CAP2: variants seen among roughly 807,000 people sequenced by gnomAD.
The protein encoded by CAP2 is adenylyl cyclase-associated protein 2.
In CAP2, 24 loss-of-function variants were observed where a neutral mutation model predicts 57.7. The ratio of observed to expected loss-of-function variants is 0.42; its 90% CI spans 0.30 to 0.58. CAP2 has a LOEUF of 0.58. Ranked by LOEUF, CAP2 falls within the 20% of genes least tolerant of loss-of-function variation. The pLI, the probability that CAP2 is intolerant of heterozygous loss-of-function variation, is 0.22. For missense variants in CAP2, 501 were observed against 590.3 expected (o/e 0.85, Z 1.57); for synonymous variants, 194 against 207.2 (o/e 0.94, Z 0.55).
At chr6:17,454,811 G>C (rs979404929) in intron 3 of CAP2, among the ~76,000 whole-genome samples, 1 of 152,144 alleles carries the variant, frequency 6.6e-6, no homozygotes, top group Admixed American at 6.5e-5. Flanking sequence ...TATGCTTCAA[G>C]TCTCTCTCTG....
intron 6 of CAP2, among the ~76,000 whole-genome samples, chr6:17,510,524 T>C (rs1762117659): frequency 6.6e-6 from 1 of 152,168 alleles, no homozygotes; most frequent in African/African-American, 2.4e-5. Context: ...TTAAAACAGT[T>C]GTGCTCAGTT....
chr6:17,543,245 C>A, intron 11 of CAP2, 102 bp downstream of exon 11: 1 of 939,668 alleles, frequency 1.1e-6, no homozygotes, highest in Non-Finnish European at 1.7e-6. Flanking sequence ...GCAGCCTTTC[C>A]AACCACGCTG....
intron 4 of CAP2, among the ~76,000 whole-genome samples, chr6:17,478,770 C>G (rs768037368): frequency 3.9e-5 from 6 of 152,116 alleles, no homozygotes; most frequent in African/African-American, 1.4e-4. Flanking sequence ...ATCTCCTGTC[C>G]TCTGTCTTTC....
In CAP2 at chr6:17,461,216, AC is replaced by A. The variant is rs386697554; in HGVS notation, c.223-1778del. 4.3e-3 allele frequency among the ~76,000 whole-genome samples: 472 copies of A among 109,604 alleles called. 3 individuals are homozygous for A. Among genetic ancestry groups the A allele is most frequent in the African/African-American group, 0.014 (454 of 31,440 alleles). 71.9% of individuals were successfully genotyped at this position (109,604 alleles called of 152,430 possible). On this transcript the variant is annotated intron_variant, in intron 3 of 12. Coordinates refer to ENST00000229922, the MANE Select transcript of CAP2 (RefSeq NM_006366.3). ...AAAAAAAAACCCTGTAATCTTTGAA[AC>A]CTTTTTTTTTTTCTTTTTTTGAGAC...
intron 3 of CAP2, among the ~76,000 whole-genome samples, chr6:17,440,614 G>GTGTGTGT (rs1554122866): frequency 0.059 from 8,401 of 141,528 alleles, 376 homozygotes; most frequent in African/African-American, 0.077. Context: ...AACTGTGTGT[G>GTGTGTGT]GTGTGTGTGT....
rs980390826 is a variant in CAP2, at chr6:17,430,728, G to A, written c.222+4038G>A. On this transcript the variant is annotated intron_variant, in intron 3 of 12. Transcript: ENST00000229922. ...TAATTTTTGTATTTTTCGTAGAGAC[G>A]GGGTTTTACCATGTTGGCCAGGCTG... is the stretch of plus-strand genomic sequence containing the variant. Among the ~76,000 whole-genome samples the A allele has an allele frequency of 5.9e-5, 9 of 152,126 alleles. No individual in the cohort carries two copies. In the East Asian group the frequency reaches 1.5e-3, roughly 26 times the overall value.
intron 11 of CAP2, among the ~76,000 whole-genome samples, chr6:17,543,402 G>A (rs1485765380): frequency 2.6e-5 from 4 of 152,036 alleles, no homozygotes; most frequent in East Asian, 3.9e-4. Context: ...CGGATCACGA[G>A]GTCAGGAGAT....
At chr6:17,449,558 C>G (rs1304932697) in intron 3 of CAP2, among the ~76,000 whole-genome samples, 1 of 152,014 alleles carries the variant, frequency 6.6e-6, no homozygotes, top group Non-Finnish European at 1.5e-5. Context: ...AGGTGCCCAC[C>G]ACCATGCTTG....
At chr6:17,411,392 T>C (rs1266900414) in intron 1 of CAP2, among the ~76,000 whole-genome samples, 1 of 152,212 alleles carries the variant, frequency 6.6e-6, no homozygotes, top group Non-Finnish European at 1.5e-5. Context: ...AACTGTCCCA[T>C]TTTCCATATT....
chr6:17,400,586 G>A (rs924560489), intron 1 of CAP2, among the ~76,000 whole-genome samples: 10 of 151,968 alleles, frequency 6.6e-5, no homozygotes, highest in African/African-American at 2.4e-4. Context: ...ATTCTTGGCC[G>A]GGCACAGTGG....
intron 4 of CAP2, among the ~76,000 whole-genome samples, chr6:17,464,698 T>G (rs1404472679): frequency 6.6e-6 from 1 of 152,186 alleles, no homozygotes; most frequent in Non-Finnish European, 1.5e-5. Context: ...TGAAAGGAGT[T>G]AGCTCACAGC....
intron 6 of CAP2, among the ~76,000 whole-genome samples, chr6:17,510,302 A>C (rs1002455655): frequency 6.6e-6 from 1 of 152,148 alleles, no homozygotes; most frequent in Non-Finnish European, 1.5e-5. Flanking sequence ...AAATGGTTGA[A>C]GTGTATGGGA....
At chr6:17,399,487 C>T (rs919254398) in intron 1 of CAP2, among the ~76,000 whole-genome samples, 3 of 152,196 alleles carry the variant, frequency 2.0e-5, no homozygotes, top group African/African-American at 2.4e-5. Flanking sequence ...GATTGTTTCC[C>T]TTTCAGTATA....
At position 17,507,718 on chromosome 6, in the gene CAP2, C is replaced by T; in HGVS notation, c.522C>T (p.Tyr174=). The T allele has an allele frequency of 6.3e-7, 1 of 1,583,702 alleles. No homozygotes were observed. The highest frequency in any genetic ancestry group is 2.2e-5 in the East Asian group (1 of 44,770). Residue 174 remains tyrosine (Y), a synonymous_variant, in exon 6 of 13, where the codon TAC becomes TAT. Coordinates refer to ENST00000229922, the MANE Select transcript of CAP2 (RefSeq NM_006366.3). ...TFYTNRVLKD[Y]KHSDLRHVDW... ...ACACTAACAGGGTCTTAAAGGACTA[C>T]AAACACAGGTACGTACCTTCCTTTA...
At chr6:17,429,675 T>A (rs974103951) in intron 3 of CAP2, among the ~76,000 whole-genome samples, 2 of 152,100 alleles carry the variant, frequency 1.3e-5, no homozygotes, top group Non-Finnish European at 2.9e-5. Context: ...TCTCCCTAGT[T>A]TTTAAAAAAT....
At chr6:17,441,922 T>C (rs1420202879) in intron 3 of CAP2, among the ~76,000 whole-genome samples, 1 of 152,176 alleles carries the variant, frequency 6.6e-6, no homozygotes, top group Non-Finnish European at 1.5e-5. Flanking sequence ...CCTACACTTT[T>C]CAAATTTAAA....
chr6:17,545,622 T>C (rs906786992), intron 11 of CAP2, among the ~76,000 whole-genome samples: 6 of 152,240 alleles, frequency 3.9e-5, no homozygotes, highest in African/African-American at 1.2e-4. Flanking sequence ...TATGTATACA[T>C]GTGCCATGTT....
rs533754058 is a variant in CAP2, at chr6:17,443,138, G to C, written c.222+16448G>C. The stretch of plus-strand genomic sequence containing the variant: ...ATGGTGGCACGCACCTGTAGCCCTG[G>C]CTTCTCGGGAGACTGAAGCGGGAGG... On this transcript the variant is annotated intron_variant, in intron 3 of 12. Coordinates refer to ENST00000229922, the MANE Select transcript of CAP2 (RefSeq NM_006366.3). Among the ~76,000 whole-genome samples, 18 of 152,212 alleles carry C rather than the reference G, an allele frequency of 1.2e-4. No homozygotes were observed. The East Asian group carries it at 2.9e-3, about 24-fold the overall frequency.
At chr6:17,549,434 A>G (rs1763122040) in intron 11 of CAP2, among the ~76,000 whole-genome samples, 2 of 152,186 alleles carry the variant, frequency 1.3e-5, no homozygotes, top group South Asian at 4.1e-4. Flanking sequence ...ATTGTACTCC[A>G]GCCTGGGCAA....
Sources: gnomAD v4.1 joint callset for allele counts (sites outside exome capture counted in the v4.1 genomes callset) on GRCh38, gnomAD v4.1.1 for gene constraint, MANE v1.5 for transcripts, NCBI Gene and HGNC (gene_info 2026-07-23, HGNC 2026-07-21) for gene names.